Variants in GRB14 observed in about 807,000 individuals in gnomAD.
The protein encoded by GRB14 is growth factor receptor-bound protein 14.
In GRB14, 38 loss-of-function variants were observed where a neutral mutation model predicts 69.1. That is an observed-to-expected ratio of 0.55 (90% CI 0.42 to 0.72). The LOEUF (loss-of-function observed/expected upper bound fraction) is 0.72. Among genes scored for constraint, GRB14 ranks in the 30% least tolerant of loss-of-function variants. GRB14 has a pLI of 0.00. For missense variants in GRB14, 666 were observed against 666.1 expected (o/e 1.00, Z 0.00); for synonymous variants, 247 against 241.3 (o/e 1.02, Z -0.22).
chr2:164,591,855 T>G (rs991092303), intron 2 of GRB14, among the ~76,000 whole-genome samples: 1 of 152,130 alleles, frequency 6.6e-6, no homozygotes, highest in Non-Finnish European at 1.5e-5. Context: ...GCTACCATAA[T>G]TCCCTTGTGT....
chr2:164,525,409 A>G (rs1687745449), intron 4 of GRB14, among the ~76,000 whole-genome samples: 1 of 152,108 alleles, frequency 6.6e-6, no homozygotes, highest in Admixed American at 6.6e-5. Flanking sequence ...ATCAGGTCAA[A>G]AGGACTATCC....
rs763810165 is a variant in GRB14, at chr2:164,619,751, C to T, written c.260G>A (p.Cys87Tyr). ...SIPNPFPELC[C>Y]SPFTSVLSAD... ...TGACAACACAGATGTAAATGGAGAA[C>T]AGCATAGCTCAGGAAAAGGGTTTGG... The change falls in exon 2 of 14, where the codon TGT becomes TAT. Residue 87 changes from cysteine (C) to tyrosine (Y), a missense_variant. Cys to Tyr is a radical substitution (Grantham distance 194). Coordinates refer to ENST00000263915, the MANE Select transcript of GRB14 (RefSeq NM_004490.3). The T allele has an allele frequency of 2.7e-5, 43 of 1,607,568 alleles. No individual in the cohort carries two copies. Among genetic ancestry groups the T allele is most frequent in the Non-Finnish European group, 3.6e-5 (42 of 1,175,932 alleles).
At chr2:164,530,102 G>T (rs1180769616) in intron 3 of GRB14, among the ~76,000 whole-genome samples, 1 of 152,098 alleles carries the variant, frequency 6.6e-6, no homozygotes, top group East Asian at 1.9e-4. Context: ...AATACCTGAG[G>T]TTGGGTAATT....
intron 2 of GRB14, among the ~76,000 whole-genome samples, chr2:164,603,276 A>C (rs943672449): frequency 6.6e-6 from 1 of 152,222 alleles, no homozygotes; most frequent in African/African-American, 2.4e-5. Flanking sequence ...TGCTAGTATG[A>C]ATGGATGGTC....
Position 164,620,087 on chromosome 2 carries a change from C to A in GRB14, c.192-268G>T, listed in dbSNP as rs1420625298. 1.4e-4 allele frequency: 35 copies of A among 245,088 alleles called. 3 individuals are homozygous for A. Among genetic ancestry groups the A allele is most frequent in the Non-Finnish European group, 2.1e-4 (28 of 132,376 alleles). 15.2% of individuals were successfully genotyped at this position (245,088 alleles called of 1,614,324 possible). Reference sequence around the variant, plus strand: ...CCCCTCCCACCACCCCTCCCCCCCCCACCGCCTTCTCTCTCTCTTGCCTTT... The same window carrying A: ...CCCCTCCCACCACCCCTCCCCCCCCAACCGCCTTCTCTCTCTCTTGCCTTT... On this transcript the variant is annotated intron_variant, in intron 1 of 13. Coordinates refer to ENST00000263915, the MANE Select transcript of GRB14 (RefSeq NM_004490.3).
At chr2:164,501,545 A>G (rs1687052230) in intron 9 of GRB14, among the ~76,000 whole-genome samples, 1 of 152,162 alleles carries the variant, frequency 6.6e-6, no homozygotes, top group African/African-American at 2.4e-5. Flanking sequence ...ATGTTAATGC[A>G]CACAAAATTA....
At chr2:164,589,638 C>A (rs892858038) in intron 2 of GRB14, among the ~76,000 whole-genome samples, 15 of 152,020 alleles carry the variant, frequency 9.9e-5, no homozygotes, top group African/African-American at 3.4e-4. Flanking sequence ...TCAAGAAGGG[C>A]ATTAATCTAT....
At chr2:164,570,056 T>C (rs1689089102) in intron 2 of GRB14, among the ~76,000 whole-genome samples, 1 of 151,978 alleles carries the variant, frequency 6.6e-6, no homozygotes, top group African/African-American at 2.4e-5. Flanking sequence ...AGCCTTCAAA[T>C]ATTACAAAGT....
At chr2:164,562,878 C>T (rs1688869168) in intron 2 of GRB14, among the ~76,000 whole-genome samples, 1 of 152,192 alleles carries the variant, frequency 6.6e-6, no homozygotes, top group South Asian at 2.1e-4. Flanking sequence ...CTACAACACA[C>T]TTCCTAAAAA....
chr2:164,605,800 G>A (rs1044743779), intron 2 of GRB14, among the ~76,000 whole-genome samples: 1 of 152,116 alleles, frequency 6.6e-6, no homozygotes, highest in Admixed American at 6.5e-5. Flanking sequence ...TACTGGTAGT[G>A]ATATAGATAC....
chr2:164,529,497 G>A (rs779574666), intron 3 of GRB14, among the ~76,000 whole-genome samples: 31 of 151,842 alleles, frequency 2.0e-4, no homozygotes, highest in Admixed American at 4.6e-4. Context: ...AAATTATCCC[G>A]TCTCCATTAC....
intron 2 of GRB14, among the ~76,000 whole-genome samples, chr2:164,595,479 A>G (rs1446505363): frequency 6.6e-6 from 1 of 152,204 alleles, no homozygotes; most frequent in African/African-American, 2.4e-5. Context: ...AAAAGGGGTA[A>G]TTCACTCTGG....
At chr2:164,579,339 A>G (rs1689334855) in intron 2 of GRB14, among the ~76,000 whole-genome samples, 1 of 152,224 alleles carries the variant, frequency 6.6e-6, no homozygotes, top group Admixed American at 6.5e-5. Context: ...AGCTATATAT[A>G]CATTTAAGAA....
chr2:164,541,464 C>T (rs1478144812), intron 3 of GRB14, among the ~76,000 whole-genome samples: 1 of 151,486 alleles, frequency 6.6e-6, no homozygotes, highest in African/African-American at 2.4e-5. Flanking sequence ...AAGAGTGAAA[C>T]TCCGTCTCCA....
intron 2 of GRB14, among the ~76,000 whole-genome samples, chr2:164,584,117 GGACTATAGGCATCCACCACCA>G (rs1232615624): frequency 1.3e-5 from 2 of 148,894 alleles, no homozygotes; most frequent in Non-Finnish European, 3.0e-5. Context: ...TTCCAAGCTG[GGACTATAGGCATCCACCACCA>G]GCCTGGCTAT....
intron 2 of GRB14, among the ~76,000 whole-genome samples, chr2:164,572,638 C>T (rs1161679771): frequency 2.0e-5 from 3 of 152,188 alleles, no homozygotes; most frequent in African/African-American, 7.2e-5. Flanking sequence ...TGCAATACTA[C>T]CACTTTATTC....
At chr2:164,573,655 T>C in intron 2 of GRB14, 1 of 1,563,830 alleles carries the variant, frequency 6.4e-7, no homozygotes, top group Non-Finnish European at 8.7e-7. Context: ...CTTTTCTTTA[T>C]GGTTCTTCAG....
intron 2 of GRB14, among the ~76,000 whole-genome samples, chr2:164,587,536 T>C (rs528579124): frequency 2.0e-5 from 3 of 152,296 alleles, no homozygotes; most frequent in Admixed American, 6.5e-5. Flanking sequence ...TCTTCTTTAA[T>C]GTAGGAATTG....
At chr2:164,585,672 G>T (rs2105341824) in intron 2 of GRB14, among the ~76,000 whole-genome samples, 1 of 152,178 alleles carries the variant, frequency 6.6e-6, no homozygotes, top group Non-Finnish European at 1.5e-5. Flanking sequence ...CACATTGTAT[G>T]CCTTAAATAT....
Sources: gnomAD v4.1 joint callset for allele counts (sites outside exome capture counted in the v4.1 genomes callset) on GRCh38, gnomAD v4.1.1 for gene constraint, MANE v1.5 for transcripts, NCBI Gene and HGNC (gene_info 2026-07-23, HGNC 2026-07-21) for gene names.